Variants in PRKG1 observed in about 807,000 individuals in gnomAD.
PRKG1 encodes protein kinase cGMP-dependent 1.
A neutral mutation model predicts 88.1 loss-of-function variants in PRKG1; 35 were observed. The observed-to-expected ratio is 0.40, with a 90% CI of 0.30 to 0.53. PRKG1 has a LOEUF of 0.53. Among genes scored for constraint, PRKG1 ranks in the 20% least tolerant of loss-of-function variants. The pLI is 0.59. For synonymous variants in PRKG1, 303 were observed against 292.5 expected, an observed-to-expected ratio of 1.04 and a Z score of -0.37; for missense variants, 540 against 839.8, an observed-to-expected ratio of 0.64 and a Z score of 4.41.
chr10:51,425,765 A>G (rs1488439881), intron 2 of PRKG1, among the ~76,000 whole-genome samples: 1 of 152,330 alleles, frequency 6.6e-6, no homozygotes, highest in Middle Eastern at 3.4e-3. Flanking sequence ...ATCACAGGAC[A>G]TAGACAGGAT....
chr10:52,194,194 G>T (rs532638999), intron 9 of PRKG1, among the ~76,000 whole-genome samples: 20 of 152,166 alleles, frequency 1.3e-4, no homozygotes, highest in Non-Finnish European at 2.5e-4. Flanking sequence ...AAATTGCTAA[G>T]TTCTATTAGC....
intron 1 of PRKG1, among the ~76,000 whole-genome samples, chr10:51,062,045 T>C (rs548198632): frequency 1.3e-5 from 2 of 152,328 alleles, no homozygotes; most frequent in African/African-American, 4.8e-5. Context: ...TGAAAAATTG[T>C]AGAGAGAGTA....
At chr10:52,173,531 A>G (rs1442395724) in intron 9 of PRKG1, among the ~76,000 whole-genome samples, 3 of 152,196 alleles carry the variant, frequency 2.0e-5, no homozygotes, top group African/African-American at 7.2e-5. Context: ...AACATAATAT[A>G]CTATATGAAT....
intron 2 of PRKG1, among the ~76,000 whole-genome samples, chr10:51,264,103 C>T (rs954257410): frequency 5.3e-5 from 8 of 152,118 alleles, no homozygotes; most frequent in African/African-American, 9.7e-5. Flanking sequence ...TGAGGAAAGA[C>T]GAATATTATC....
chr10:51,124,104 C>T (rs7915898), intron 1 of PRKG1, among the ~76,000 whole-genome samples: 16,749 of 152,104 alleles, frequency 0.11, 1,251 homozygotes, highest in South Asian at 0.34. Flanking sequence ...CACTATCATG[C>T]TCTTTTCATC....
At chr10:51,585,640 A>G (rs1427651067) in intron 3 of PRKG1, among the ~76,000 whole-genome samples, 1 of 152,168 alleles carries the variant, frequency 6.6e-6, no homozygotes, top group Admixed American at 6.6e-5. Context: ...AAGAAAATAA[A>G]TTGGTCTACC....
rs190562457 is a variant in PRKG1, at chr10:52,086,596, G to C, written c.935+23965G>C. Among the ~76,000 whole-genome samples the C allele has an allele frequency of 1.2e-3, 183 of 151,912 alleles. 1 individual carries two copies. Among genetic ancestry groups the C allele is most frequent in the African/African-American group, 4.2e-3 (175 of 41,440 alleles). ...ATTTTTGTATTTTTAGTAGAGACAG[G>C]GTTTCACCGTGTTGGCCAGGCTAGT... On this transcript the variant is annotated intron_variant, in intron 7 of 17. Coordinates refer to ENST00000373980, the MANE Select transcript of PRKG1 (RefSeq NM_006258.4).
chr10:51,265,236 T>G (rs1434869692), intron 2 of PRKG1, among the ~76,000 whole-genome samples: 1 of 152,176 alleles, frequency 6.6e-6, no homozygotes, highest in Admixed American at 6.6e-5. Context: ...TTCTGCTTCC[T>G]GGAGACAGTA....
At chr10:52,039,517 A>T (rs10740414) in intron 5 of PRKG1, among the ~76,000 whole-genome samples, 1 of 152,014 alleles carries the variant, frequency 6.6e-6, no homozygotes, top group Non-Finnish European at 1.5e-5. Flanking sequence ...ACATGTGCAA[A>T]TCACAGGGGA....
intron 4 of PRKG1, among the ~76,000 whole-genome samples, chr10:51,873,461 T>A (rs1841209741): frequency 6.6e-6 from 1 of 152,042 alleles, no homozygotes; most frequent in Non-Finnish European, 1.5e-5. Context: ...TATCCACCTG[T>A]CTATCTAATC....
At chr10:51,790,156 C>A (rs1413195926) in intron 3 of PRKG1, among the ~76,000 whole-genome samples, 1 of 152,132 alleles carries the variant, frequency 6.6e-6, no homozygotes, top group African/African-American at 2.4e-5. Flanking sequence ...CTTAACTTTG[C>A]AGCCTGTCTA....
intron 3 of PRKG1, among the ~76,000 whole-genome samples, chr10:51,781,206 T>C (rs769410559): frequency 5.3e-5 from 8 of 152,116 alleles, no homozygotes; most frequent in Non-Finnish European, 8.8e-5. Flanking sequence ...TTTACAAATA[T>C]TAAAACAAAA....
chr10:51,165,498 A>G (rs1402436871), intron 2 of PRKG1, among the ~76,000 whole-genome samples: 1 of 152,202 alleles, frequency 6.6e-6, no homozygotes, highest in Non-Finnish European at 1.5e-5. Context: ...TAACAAGCAA[A>G]ATAACCAGCT....
At chr10:52,086,654 C>G (rs1846922562) in intron 7 of PRKG1, among the ~76,000 whole-genome samples, 1 of 152,072 alleles carries the variant, frequency 6.6e-6, no homozygotes. Flanking sequence ...ATCTGCCCAC[C>G]TTGGCCTTGA....
chr10:51,938,120 A>G (rs1842833469), intron 5 of PRKG1, among the ~76,000 whole-genome samples: 1 of 152,088 alleles, frequency 6.6e-6, no homozygotes, highest in South Asian at 2.1e-4. Flanking sequence ...AATGTTCATG[A>G]TGCCTATGTC....
At position 51,907,728 on chromosome 10, in the gene PRKG1, G is replaced by A. The variant is rs146613422; in HGVS notation, c.762+158G>A. 1,639 of 535,210 alleles carry A rather than the reference G, an allele frequency of 3.1e-3. 15 individuals carry two copies. Among genetic ancestry groups the A allele is most frequent in the African/African-American group, 0.02 (1,055 of 51,916 alleles). The allele number at this position is 535,210 out of a possible 1,614,324, so 33.2% of individuals were successfully genotyped here. On this transcript the variant is annotated intron_variant, in intron 5 of 17. Transcript: ENST00000373980. ...TATATTTGGCTTCGTATAGAAAGCA[G>A]CTTATCATGTCTGACATTTATATGC...
intron 9 of PRKG1, among the ~76,000 whole-genome samples, chr10:52,202,500 G>T (rs928270230): frequency 2.6e-5 from 4 of 151,964 alleles, no homozygotes; most frequent in African/African-American, 9.7e-5. Context: ...TTCTTTTTTG[G>T]TTGTGTCTCT....
intron 4 of PRKG1, among the ~76,000 whole-genome samples, chr10:51,888,530 C>T (rs766788985): frequency 6.6e-6 from 1 of 152,180 alleles, no homozygotes; most frequent in Non-Finnish European, 1.5e-5. Context: ...TGATCATAGA[C>T]ACAGCTTCAC....
chr10:52,174,386 A>C, intron 9 of PRKG1, among the ~76,000 whole-genome samples: 1 of 151,974 alleles, frequency 6.6e-6, no homozygotes, highest in East Asian at 1.9e-4. Context: ...TTCTTCAGGA[A>C]GTTGTTGACA....
Sources: allele counts gnomAD v4.1 joint callset (sites outside exome capture counted in the v4.1 genomes callset), GRCh38; gene constraint gnomAD v4.1.1; transcripts MANE v1.5; gene names NCBI Gene and HGNC (gene_info 2026-07-23, HGNC 2026-07-21).